ASB5: variants seen among roughly 807,000 people sequenced by gnomAD.
The protein encoded by ASB5 is ankyrin repeat and SOCS box containing 5.
ASB5 carries 45 observed loss-of-function variants against 42.1 expected under a neutral mutation model. The observed-to-expected ratio is 1.07, with a 90% CI of 0.84 to 1.37. ASB5 has a LOEUF of 1.37. Ranked by LOEUF, ASB5 falls within the 40% of genes most tolerant of loss-of-function variation. The pLI, the probability that ASB5 is intolerant of heterozygous loss-of-function variation, is 0.00. For synonymous variants in ASB5, 147 were observed against 150.6 expected, an observed-to-expected ratio of 0.98 and a Z score of 0.18; for missense variants, 402 against 399.8, an observed-to-expected ratio of 1.01 and a Z score of -0.05.
intron 1 of ASB5, among the ~76,000 whole-genome samples, chr4:176,266,817 ATT>A (rs1754366330): frequency 6.6e-6 from 1 of 152,100 alleles, no homozygotes; most frequent in African/African-American, 2.4e-5. Context: ...TCCTATTGAT[ATT>A]GATTTCCTTT....
upstream of ASB5, among the ~76,000 whole-genome samples, chr4:176,273,506 T>C (rs185370733): frequency 1.4e-4 from 21 of 152,352 alleles, no homozygotes; most frequent in African/African-American, 4.8e-4. Context: ...TCATTTGGTC[T>C]CTTGCCATAC....
At chr4:176,270,062 G>T (rs985220756), upstream of ASB5, among the ~76,000 whole-genome samples, 1 of 152,092 alleles carries the variant, frequency 6.6e-6, no homozygotes, top group South Asian at 2.1e-4. Context: ...AAATGCATCT[G>T]TATATAGGTA....
intron 1 of ASB5, among the ~76,000 whole-genome samples, chr4:176,228,682 T>C (rs766282844): frequency 6.6e-6 from 1 of 152,228 alleles, no homozygotes; most frequent in Non-Finnish European, 1.5e-5. Flanking sequence ...ATTGCAATAA[T>C]GCACACCAGC....
intron 1 of ASB5, among the ~76,000 whole-genome samples, chr4:176,258,179 T>C (rs1344901786): frequency 6.6e-6 from 1 of 152,230 alleles, no homozygotes; most frequent in Non-Finnish European, 1.5e-5. Flanking sequence ...CCAGACACTG[T>C]GGCAAGTGAT....
At chr4:176,241,496 C>T in intron 1 of ASB5, 2 of 1,535,542 alleles carry the variant, frequency 1.3e-6, no homozygotes, top group South Asian at 2.4e-5. Flanking sequence ...TGCAAAGAGG[C>T]ATCTGGAAGG....
intron 1 of ASB5, among the ~76,000 whole-genome samples, chr4:176,237,762 G>T (rs561859951): frequency 1.3e-5 from 2 of 152,310 alleles, no homozygotes; most frequent in African/African-American, 2.4e-5. Flanking sequence ...GAATAGAAAT[G>T]AGCTCTATCG....
intron 1 of ASB5, among the ~76,000 whole-genome samples, chr4:176,255,220 T>C (rs1754131864): frequency 6.6e-6 from 1 of 152,198 alleles, no homozygotes; most frequent in Non-Finnish European, 1.5e-5. Context: ...AAACAACAGA[T>C]GCTGGGGAAG....
chr4:176,223,671 T>C (rs369197012), intron 2 of ASB5, among the ~76,000 whole-genome samples: 1 of 152,208 alleles, frequency 6.6e-6, no homozygotes, highest in African/African-American at 2.4e-5. Context: ...TTTCAAAGAT[T>C]TTGAGTTGGC....
chr4:176,261,276 A>G (rs1754263776), intron 1 of ASB5, among the ~76,000 whole-genome samples: 1 of 152,138 alleles, frequency 6.6e-6, no homozygotes, highest in East Asian at 1.9e-4. Context: ...ACTTCATGAA[A>G]CACACATAAT....
chr4:176,273,486 C>A (rs970133519), upstream of ASB5, among the ~76,000 whole-genome samples: 1 of 151,928 alleles, frequency 6.6e-6, no homozygotes, highest in Non-Finnish European at 1.5e-5. Flanking sequence ...CAAATGGAAC[C>A]CTTAGATGTT....
chr4:176,265,014 G>A (rs567141235), intron 1 of ASB5, among the ~76,000 whole-genome samples: 4 of 151,900 alleles, frequency 2.6e-5, no homozygotes, highest in Admixed American at 2.0e-4. Context: ...AATCTCTCTC[G>A]TCCAACTCCA....
rs766245009 is a variant in ASB5, at chr4:176,269,088, A to G, written c.21T>C (p.Asn7=). The G allele has an allele frequency of 6.2e-7, 1 of 1,609,482 alleles. No homozygotes were observed. Among genetic ancestry groups the G allele is most frequent in the Non-Finnish European group, 8.5e-7 (1 of 1,177,604 alleles). ...TGGATAATTGTTGAGCAAACGGCCG[A>G]TTTTCTTCTAACACCGACATTGCTG... MSVLEE[N]RPFAQQLSNV... is the part of the protein sequence containing the mutation. The change falls in exon 1 of 7, where the codon AAT becomes AAC. Residue 7 remains asparagine, a synonymous_variant. Transcript: ENST00000296525.
intron 1 of ASB5, among the ~76,000 whole-genome samples, chr4:176,242,385 T>C (rs73871943): frequency 0.085 from 12,966 of 152,270 alleles, 580 homozygotes; most frequent in Middle Eastern, 0.12. Context: ...TATCTGCTCT[T>C]GGAGTTCTTC....
chr4:176,242,467 C>T (rs1168816005), intron 1 of ASB5, among the ~76,000 whole-genome samples: 1 of 152,194 alleles, frequency 6.6e-6, no homozygotes, highest in Non-Finnish European at 1.5e-5. Flanking sequence ...CTCTTCTAAA[C>T]TCAGCTTAGA....
At chr4:176,241,446 TA>T in intron 1 of ASB5, 2 of 1,524,684 alleles carry the variant, frequency 1.3e-6, no homozygotes, top group Non-Finnish European at 1.8e-6. Flanking sequence ...AGAGAAATCC[TA>T]AGGTTTTCTT....
At chr4:176,222,230 A>G in intron 3 of ASB5, 83 bp downstream of exon 3, 1 of 1,261,668 alleles carries the variant, frequency 7.9e-7, no homozygotes, top group South Asian at 1.3e-5. Flanking sequence ...CCGAGAATGA[A>G]GGAAAGAAAA....
chr4:176,217,136 ATGAGT>A, intron 5 of ASB5, 127 bp from the exon 6 acceptor site: 1 of 719,666 alleles, frequency 1.4e-6, no homozygotes, highest in South Asian at 1.9e-5. Flanking sequence ...TCTATTTGTT[ATGAGT>A]TATTTCTTTA....
intron 1 of ASB5, among the ~76,000 whole-genome samples, chr4:176,232,273 C>T (rs1753569528): frequency 6.6e-6 from 1 of 151,864 alleles, no homozygotes; most frequent in African/African-American, 2.4e-5. Flanking sequence ...CAGACATGTG[C>T]CAACACACCC....
chr4:176,227,547 G>T (rs1753414096), intron 1 of ASB5, among the ~76,000 whole-genome samples: 3 of 152,138 alleles, frequency 2.0e-5, no homozygotes, highest in Non-Finnish European at 4.4e-5. Flanking sequence ...CTCACCATAT[G>T]CCCATGTCCT....
Sources: allele counts gnomAD v4.1 joint callset (sites outside exome capture counted in the v4.1 genomes callset), GRCh38; gene constraint gnomAD v4.1.1; transcripts MANE v1.5; gene names NCBI Gene and HGNC (gene_info 2026-07-23, HGNC 2026-07-21).